Variants in FRAS1 observed in about 807,000 individuals in gnomAD.
FRAS1 encodes extracellular matrix organizing protein FRAS1.
Under a neutral mutation model 435.2 loss-of-function variants are expected in FRAS1, and 290 were observed. The ratio of observed to expected loss-of-function variants is 0.67; its 90% CI spans 0.61 to 0.73. The LOEUF (loss-of-function observed/expected upper bound fraction) is 0.73. Ranked by LOEUF, FRAS1 falls within the 30% of genes least tolerant of loss-of-function variation. FRAS1 has a pLI of 0.00. For synonymous variants in FRAS1, 1,800 were observed against 1,851.0 expected (o/e 0.97, Z 0.71); for missense variants, 4,860 against 5,001.5 (o/e 0.97, Z 0.85).
At chr4:78,260,716 C>T (rs894612067) in intron 6 of FRAS1, among the ~76,000 whole-genome samples, 4 of 152,220 alleles carry the variant, frequency 2.6e-5, no homozygotes, top group East Asian at 1.9e-4. Flanking sequence ...GCCTAATTAC[C>T]CTGGCCAGAA....
intron 2 of FRAS1, chr4:78,068,430 C>A: frequency 2.3e-6 from 1 of 443,046 alleles, no homozygotes; most frequent in South Asian, 1.6e-5. Flanking sequence ...AATGTAAAGT[C>A]TGAAGCAAGA....
intron 2 of FRAS1, among the ~76,000 whole-genome samples, chr4:78,197,054 A>G (rs1049515700): frequency 1.3e-5 from 2 of 152,230 alleles, no homozygotes; most frequent in African/African-American, 2.4e-5. Context: ...GAAGCTTGAG[A>G]TGAAGTTTTG....
intron 2 of FRAS1, among the ~76,000 whole-genome samples, chr4:78,144,806 C>T (rs187222983): frequency 2.6e-5 from 4 of 152,248 alleles, no homozygotes; most frequent in African/African-American, 9.6e-5. Context: ...ATTATTTTAA[C>T]AACCACATAG....
chr4:78,254,582 T>C (rs950121505), intron 5 of FRAS1, among the ~76,000 whole-genome samples: 1 of 152,010 alleles, frequency 6.6e-6, no homozygotes, highest in Non-Finnish European at 1.5e-5. Flanking sequence ...TTGTCTGAGT[T>C]TGTGGGATTC....
rs535903153 is a variant in FRAS1, at chr4:78,111,729, G to A, written c.108+45713G>A. Among the ~76,000 whole-genome samples, 268 of 115,492 alleles carry A rather than the reference G, an allele frequency of 2.3e-3. 1 individual carries two copies. Among genetic ancestry groups the A allele is most frequent in the African/African-American group, 9.3e-3 (254 of 27,402 alleles). 75.8% of individuals were successfully genotyped at this position (115,492 alleles called of 152,430 possible). A position where few individuals can be genotyped will look rare whatever the true frequency, so the allele number is the denominator to read the frequency against. ...TAACTAACCTGCACAATGTGCACAT[G>A]TACCCTAAAACTTAGAGTATAATAA... On this transcript the variant is annotated intron_variant, in intron 2 of 73. Transcript: ENST00000512123.
intron 71 of FRAS1, among the ~76,000 whole-genome samples, chr4:78,536,305 T>C (rs148641443): frequency 7.9e-5 from 12 of 151,294 alleles, no homozygotes; most frequent in South Asian, 6.3e-4. Flanking sequence ...TCAAATATCA[T>C]GTCTCTTGAA....
rs79664151 is a variant in FRAS1 at position 78,313,337 on chromosome 4, T to C, written c.1679-2257T>C. ...ATTTGCCTGTGAACAGATGCTGGAT[T>C]CTCCAGGATGCGAGATGGGACATTT... On this transcript the variant is annotated intron_variant, in intron 15 of 73. Transcript: ENST00000512123. 2.1e-3 allele frequency among the ~76,000 whole-genome samples: 317 copies of C among 152,330 alleles called. 5 individuals carry two copies. In the East Asian group the frequency reaches 0.049, roughly 24 times the overall value.
intron 19 of FRAS1, among the ~76,000 whole-genome samples, chr4:78,334,950 C>T (rs755315076): frequency 2.6e-5 from 4 of 151,880 alleles, no homozygotes; most frequent in Non-Finnish European, 4.4e-5. Flanking sequence ...TTTGTAGAGA[C>T]AGGGTCTCAC....
At chr4:78,132,324 G>A (rs1462425870) in intron 2 of FRAS1, among the ~76,000 whole-genome samples, 1 of 152,142 alleles carries the variant, frequency 6.6e-6, no homozygotes, top group East Asian at 1.9e-4. Context: ...GTCATTGTTT[G>A]GTGGTCCATA....
rs1725289890 is a variant in FRAS1 at position 78,247,334 on chromosome 4, T to TTG, written c.309+2009_309+2010insTG. Among the ~76,000 whole-genome samples the TTG allele has an allele frequency of 6.6e-5, 10 of 152,324 alleles. No homozygotes were observed. In the South Asian group the frequency reaches 2.1e-3, roughly 32 times the overall value. ...CAAAATTTACTCCCTCTGAAAATGT[T>TTG]ATATTTCTGGTATTTGATGTAACTG... On this transcript the variant is annotated intron_variant, in intron 4 of 73. Coordinates refer to ENST00000512123, the MANE Select transcript of FRAS1 (RefSeq NM_025074.7).
intron 2 of FRAS1, among the ~76,000 whole-genome samples, chr4:78,220,145 C>G (rs1338215936): frequency 6.6e-6 from 1 of 152,170 alleles, no homozygotes; most frequent in Non-Finnish European, 1.5e-5. Context: ...CCTCATTTAT[C>G]CCTTTGAATG....
At chr4:78,233,020 A>G (rs181024255) in intron 2 of FRAS1, among the ~76,000 whole-genome samples, 92 of 152,332 alleles carry the variant, frequency 6.0e-4, no homozygotes, top group African/African-American at 1.7e-3. Context: ...AAAGTGAATA[A>G]CCTACTCCAT....
intron 2 of FRAS1, among the ~76,000 whole-genome samples, chr4:78,211,711 C>T (rs1056059391): frequency 1.3e-5 from 2 of 152,174 alleles, no homozygotes; most frequent in Non-Finnish European, 2.9e-5. Context: ...AATATATGTA[C>T]AGCATAAAAT....
intron 60 of FRAS1, among the ~76,000 whole-genome samples, chr4:78,498,026 T>G (rs886143710): frequency 6.6e-6 from 1 of 151,874 alleles, no homozygotes; most frequent in Non-Finnish European, 1.5e-5. Flanking sequence ...CACTCATAAG[T>G]GGGAGGTGAA....
intron 16 of FRAS1, among the ~76,000 whole-genome samples, chr4:78,316,560 G>A (rs530087233): frequency 6.6e-6 from 1 of 152,088 alleles, no homozygotes; most frequent in South Asian, 2.1e-4. Context: ...CCATGGTCCT[G>A]CAGAGTCTTC....
intron 3 of FRAS1, among the ~76,000 whole-genome samples, chr4:78,243,873 C>T (rs1725117499): frequency 6.6e-6 from 1 of 152,088 alleles, no homozygotes; most frequent in African/African-American, 2.4e-5. Context: ...ACTATCAACA[C>T]TTAGATCATG....
intron 2 of FRAS1, among the ~76,000 whole-genome samples, chr4:78,165,112 G>A (rs916810918): frequency 6.6e-6 from 1 of 152,114 alleles, no homozygotes; most frequent in African/African-American, 2.4e-5. Flanking sequence ...TTCAAAGACT[G>A]GTTAATGTCC....
intron 67 of FRAS1, among the ~76,000 whole-genome samples, chr4:78,521,141 G>A (rs920238916): frequency 1.3e-5 from 2 of 152,128 alleles, no homozygotes; most frequent in Non-Finnish European, 2.9e-5. Flanking sequence ...TGTTAAGTCC[G>A]GAAAGGTATC....
intron 29 of FRAS1, among the ~76,000 whole-genome samples, chr4:78,396,468 C>G (rs761759768): frequency 1.1e-4 from 17 of 152,228 alleles, no homozygotes; most frequent in Non-Finnish European, 1.6e-4. Context: ...GGCTTTCTCT[C>G]TCCTTCATTT....
Sources: allele counts gnomAD v4.1 joint callset (sites outside exome capture counted in the v4.1 genomes callset), GRCh38; gene constraint gnomAD v4.1.1; transcripts MANE v1.5; gene names NCBI Gene and HGNC (gene_info 2026-07-23, HGNC 2026-07-21).